The following ADGRB3 variants were observed in gnomAD, a reference collection of about 807,000 sequenced individuals.
ADGRB3 encodes the protein adhesion G protein-coupled receptor B3, also known as brain-specific angiogenesis inhibitor 3.
ADGRB3 carries 37 observed loss-of-function variants against 193.4 expected under a neutral mutation model. The observed-to-expected ratio is 0.19, with a 90% CI of 0.15 to 0.25. The LOEUF (loss-of-function observed/expected upper bound fraction) is 0.25. Ranked by LOEUF, ADGRB3 falls within the 10% of genes least tolerant of loss-of-function variation. ADGRB3 has a pLI of 1.00. For missense variants in ADGRB3, 1,637 were observed against 1,852.9 expected (o/e 0.88, Z 2.14); for synonymous variants, 690 against 644.2 (o/e 1.07, Z -1.08).
intron 20 of ADGRB3, among the ~76,000 whole-genome samples, chr6:69,272,311 G>A (rs1243992975): frequency 6.6e-6 from 1 of 152,182 alleles, no homozygotes; most frequent in Admixed American, 6.5e-5. Flanking sequence ...GAGGAGATGG[G>A]CAGGTCAGCA....
intron 17 of ADGRB3, among the ~76,000 whole-genome samples, chr6:69,156,677 C>T (rs1774849080): frequency 6.6e-6 from 1 of 152,048 alleles, no homozygotes; most frequent in African/African-American, 2.4e-5. Context: ...CCTTGGGTTC[C>T]ATGTATACAA....
At chr6:68,756,811 T>A (rs747542386) in intron 3 of ADGRB3, among the ~76,000 whole-genome samples, 2 of 152,118 alleles carry the variant, frequency 1.3e-5, no homozygotes, top group Non-Finnish European at 2.9e-5. Context: ...ATTTATGGAG[T>A]GATTAAAATT....
intron 3 of ADGRB3, among the ~76,000 whole-genome samples, chr6:68,682,033 G>T (rs1345200509): frequency 6.6e-6 from 1 of 152,150 alleles, no homozygotes; most frequent in Non-Finnish European, 1.5e-5. Flanking sequence ...CCACTGTCAT[G>T]GTTGACCATG....
At chr6:69,276,600 T>C (rs1022177675) in intron 20 of ADGRB3, among the ~76,000 whole-genome samples, 1 of 152,178 alleles carries the variant, frequency 6.6e-6, no homozygotes, top group Non-Finnish European at 1.5e-5. Flanking sequence ...TGACCTTTTT[T>C]TCCCCCGGGC....
intron 3 of ADGRB3, among the ~76,000 whole-genome samples, chr6:68,650,996 T>C (rs1422885437): frequency 1.3e-5 from 2 of 152,214 alleles, no homozygotes; most frequent in African/African-American, 4.8e-5. Context: ...AAAATTGTAA[T>C]GTAAAAAGAG....
intron 3 of ADGRB3, among the ~76,000 whole-genome samples, chr6:68,807,228 C>CTTT (rs1418367807): frequency 1.1e-5 from 1 of 94,668 alleles, no homozygotes; most frequent in Non-Finnish European, 2.1e-5. Context: ...TTTCTTTTTT[C>CTTT]TTTTTTCTTT....
At chr6:69,295,395 C>T (rs1414869330) in intron 20 of ADGRB3, among the ~76,000 whole-genome samples, 1 of 152,048 alleles carries the variant, frequency 6.6e-6, no homozygotes, top group African/African-American at 2.4e-5. Context: ...AATGGGCATC[C>T]TGCTTCCCCT....
At chr6:68,865,197 C>G (rs1397889908) in intron 3 of ADGRB3, among the ~76,000 whole-genome samples, 1 of 152,004 alleles carries the variant, frequency 6.6e-6, no homozygotes, top group African/African-American at 2.4e-5. Context: ...TTTTGCTCAT[C>G]CTCAGACCCT....
intron 22 of ADGRB3, 108 bp downstream of exon 22, chr6:69,327,997 G>T: frequency 1.1e-6 from 1 of 887,210 alleles, no homozygotes; most frequent in Non-Finnish European, 1.6e-6. Flanking sequence ...CATTAACAAT[G>T]GTAGAAATTG....
chr6:69,192,779 G>A (rs899390270), intron 17 of ADGRB3, among the ~76,000 whole-genome samples: 6 of 152,066 alleles, frequency 3.9e-5, no homozygotes, highest in African/African-American at 1.2e-4. Context: ...ATATTTTTGA[G>A]GGTCTGCTAT....
chr6:68,946,205 T>C (rs1767771238), intron 6 of ADGRB3, among the ~76,000 whole-genome samples: 1 of 152,086 alleles, frequency 6.6e-6, no homozygotes, highest in Admixed American at 6.6e-5. Flanking sequence ...TTTTTTTAAG[T>C]TTCCAGGCTG....
chr6:68,746,581 T>G (rs777149271), intron 3 of ADGRB3, among the ~76,000 whole-genome samples: 3 of 152,086 alleles, frequency 2.0e-5, no homozygotes, highest in Non-Finnish European at 4.4e-5. Context: ...TCAATGACCC[T>G]TTGTTTTTCT....
chr6:69,361,826 TA>T (rs1350737750), intron 29 of ADGRB3, among the ~76,000 whole-genome samples: 4 of 151,238 alleles, frequency 2.6e-5, no homozygotes, highest in African/African-American at 9.7e-5. Flanking sequence ...AAAAATAAAA[TA>T]AAATAAATAA....
chr6:69,068,775 G>T (rs1477809745), intron 16 of ADGRB3, among the ~76,000 whole-genome samples: 1 of 152,146 alleles, frequency 6.6e-6, no homozygotes, highest in Non-Finnish European at 1.5e-5. Context: ...TAGCAGAAGT[G>T]ATATTAAATA....
intron 17 of ADGRB3, among the ~76,000 whole-genome samples, chr6:69,195,394 A>T (rs1765274208): frequency 6.6e-6 from 1 of 151,646 alleles, no homozygotes; most frequent in Non-Finnish European, 1.5e-5. Context: ...ATAAAAAATA[A>T]ATTCACTGTA....
At position 68,861,139 on chromosome 6, in the gene ADGRB3, A is replaced by G. The variant is rs897365147; in HGVS notation, c.758-69420A>G. Among the ~76,000 whole-genome samples, 7 of 152,292 alleles carry G rather than the reference A, an allele frequency of 4.6e-5. No homozygotes were observed. In the South Asian group the frequency reaches 1.5e-3, roughly 32 times the overall value. ...CTGTGCTAGTCATTGCTTTTGCAAA[A>G]CAAAACACAGCATGAAATAAACCCT... On this transcript the variant is annotated intron_variant, in intron 3 of 31. Coordinates refer to ENST00000370598, the MANE Select transcript of ADGRB3 (RefSeq NM_001704.3).
intron 3 of ADGRB3, among the ~76,000 whole-genome samples, chr6:68,813,649 G>A (rs554495752): frequency 9.2e-5 from 14 of 151,672 alleles, no homozygotes; most frequent in East Asian, 5.8e-4. Context: ...TTGGTGTGCC[G>A]CACCCATTAA....
intron 17 of ADGRB3, among the ~76,000 whole-genome samples, chr6:69,095,485 G>A (rs1772847752): frequency 6.6e-6 from 1 of 152,144 alleles, no homozygotes; most frequent in Admixed American, 6.6e-5. Context: ...AACATATTTA[G>A]TTAGTGAAAA....
chr6:68,732,290 T>G (rs12212114), intron 3 of ADGRB3, among the ~76,000 whole-genome samples: 31,457 of 151,726 alleles, frequency 0.21, 3,850 homozygotes, highest in Middle Eastern at 0.43. Flanking sequence ...TCATACCCAT[T>G]AGCTATTTTT....
Sources: gnomAD v4.1 joint callset for allele counts (sites outside exome capture counted in the v4.1 genomes callset) on GRCh38, gnomAD v4.1.1 for gene constraint, MANE v1.5 for transcripts, NCBI Gene and HGNC (gene_info 2026-07-23, HGNC 2026-07-21) for gene names.